The following MED28 variants were observed in gnomAD, a reference collection of about 807,000 sequenced individuals.
The protein encoded by MED28 is mediator complex subunit 28.
A neutral mutation model predicts 21.3 loss-of-function variants in MED28; 26 were observed. That is an observed-to-expected ratio of 1.22 (90% CI 0.89 to 1.69). MED28 has a LOEUF of 1.69. MED28 is among the 40% of genes most tolerant of loss of function. The pLI, the probability that MED28 is intolerant of heterozygous loss-of-function variation, is 0.00. For synonymous variants in MED28, 110 were observed against 87.6 expected (o/e 1.26, Z -1.43); for missense variants, 257 against 215.4 (o/e 1.19, Z -1.21).
chr4:17,616,053 C>T (rs925260330), intron 1 of MED28, among the ~76,000 whole-genome samples: 1 of 151,986 alleles, frequency 6.6e-6, no homozygotes, highest in Non-Finnish European at 1.5e-5. Flanking sequence ...CTCCGCCTCC[C>T]GGGTTCAAGC....
rs1714879840 is a variant in MED28 at position 17,630,128 on chromosome 4, A to G, written c.*6330A>G. 6.6e-6 allele frequency: 1 copy of G among 152,228 alleles called. No individual in the cohort carries two copies. Among genetic ancestry groups the G allele is most frequent in the Non-Finnish European group, 1.5e-5 (1 of 68,044 alleles). 9.4% of individuals were successfully genotyped at this position (152,228 alleles called of 1,614,324 possible). A position where few individuals can be genotyped will look rare whatever the true frequency, so the allele number is the denominator to read the frequency against. On this transcript the variant is annotated 3_prime_UTR_variant, in exon 4 of 4. Transcript: ENST00000237380. The stretch of plus-strand genomic sequence containing the variant: ...AAAATTTTCTCCTTGCCCAGGGATC[A>G]TGCTGAGTTTAAGGACAGAAATGCA...
rs1715031486 is a variant in MED28 at position 17,633,623 on chromosome 4, A to C, written c.*9825A>C. On this transcript the variant is annotated 3_prime_UTR_variant, in exon 4 of 4. Transcript: ENST00000237380. ...AATTTGGTACCAGGTGCTAGAAAGA[A>C]TCCTACTTCCCCTCTTATCTACAGG... is the stretch of plus-strand genomic sequence containing the variant. 7.4e-7 allele frequency: 1 copy of C among 1,345,494 alleles called. No homozygotes were observed. Among genetic ancestry groups the C allele is most frequent in the African/African-American group, 1.5e-5 (1 of 66,150 alleles). 83.3% of individuals were successfully genotyped at this position (1,345,494 alleles called of 1,614,324 possible).
At chr4:17,618,251 C>T (rs996997941) in intron 1 of MED28, among the ~76,000 whole-genome samples, 1 of 152,096 alleles carries the variant, frequency 6.6e-6, no homozygotes, top group Non-Finnish European at 1.5e-5. Context: ...TGAAGTGATC[C>T]ACCCATCTTG....
Position 17,624,121 on chromosome 4 carries a change from T to A in MED28, c.*323T>A, listed in dbSNP as rs1714712418. On this transcript the variant is annotated 3_prime_UTR_variant, in exon 4 of 4. Coordinates refer to ENST00000237380, the MANE Select transcript of MED28 (RefSeq NM_025205.5). ...AATTTTTGCATGACTTTTCATCTTT[T>A]TATGTGTGTTTCCTGTAGTTTGATC... 3.1e-6 allele frequency: 1 copy of A among 325,676 alleles called. No homozygotes were observed. Among genetic ancestry groups the A allele is most frequent in the Non-Finnish European group, 5.8e-6 (1 of 172,276 alleles). The allele number at this position is 325,676 out of a possible 1,614,324, so 20.2% of individuals were successfully genotyped here. A position where few individuals can be genotyped will look rare whatever the true frequency, so the allele number is the denominator to read the frequency against.
rs907594212 is a variant in MED28, at chr4:17,619,049, G to A, written c.160-852G>A. ...ATTGCTGACAGAGCTCCACTTTCCT[G>A]TGTTTGAGGCTTCTTTTCTAACTCC... On this transcript the variant is annotated intron_variant, in intron 1 of 3. Transcript: ENST00000237380. 8.5e-5 allele frequency among the ~76,000 whole-genome samples: 13 copies of A among 152,216 alleles called. 1 individual carries two copies. In the South Asian group the frequency reaches 1.9e-3, roughly 22 times the overall value.
chr4:17,631,583 A>C lies in MED28; in HGVS notation c.*7785A>C, dbSNP rs909189463. On this transcript the variant is annotated 3_prime_UTR_variant, in exon 4 of 4. Transcript: ENST00000237380. Reference sequence around the variant, plus strand: ...GCTAGGATTGGTTATTTACAGAAAAACCTTGTGGTACTTAATTCCAATTCA... The same window carrying C: ...GCTAGGATTGGTTATTTACAGAAAACCCTTGTGGTACTTAATTCCAATTCA... 6.6e-6 allele frequency: 1 copy of C among 151,802 alleles called. No individual in the cohort carries two copies. The highest frequency in any genetic ancestry group is 1.5e-5 in the Non-Finnish European group (1 of 67,986). The allele number at this position is 151,802 out of a possible 1,614,324, so 9.4% of individuals were successfully genotyped here. A position where few individuals can be genotyped will look rare whatever the true frequency, so the allele number is the denominator to read the frequency against.
chr4:17,615,461 TC>T (rs1714420533), intron 1 of MED28, among the ~76,000 whole-genome samples: 1 of 152,222 alleles, frequency 6.6e-6, no homozygotes, highest in Non-Finnish European at 1.5e-5. Flanking sequence ...GATGAGCTAT[TC>T]CTGTGTAGTA....
chr4:17,625,477 T>C lies in MED28; in HGVS notation c.*1679T>C, dbSNP rs1560159234. 7.6e-6 allele frequency: 2 copies of C among 263,388 alleles called. No homozygotes were observed. The highest frequency in any genetic ancestry group is 1.5e-5 in the Non-Finnish European group (2 of 133,518). 16.3% of individuals were successfully genotyped at this position (263,388 alleles called of 1,614,324 possible). A position where few individuals can be genotyped will look rare whatever the true frequency, so the allele number is the denominator to read the frequency against. On this transcript the variant is annotated 3_prime_UTR_variant, in exon 4 of 4. Transcript: ENST00000237380. ...TGTATTTCTTGACTAAAAACCTAAA[T>C]AAACTGATTAGGTTTTAGGCGTTCT... is the stretch of plus-strand genomic sequence containing the variant.
intron 1 of MED28, among the ~76,000 whole-genome samples, chr4:17,618,013 CT>C (rs529883796): frequency 1.7e-3 from 197 of 117,894 alleles, no homozygotes; most frequent in African/African-American, 4.5e-3. Context: ...CTTTTCTTTT[CT>C]TTTTTTTTTT....
intron 1 of MED28, among the ~76,000 whole-genome samples, chr4:17,616,173 T>G (rs952368343): frequency 2.0e-5 from 3 of 152,180 alleles, no homozygotes; most frequent in Non-Finnish European, 4.4e-5. Context: ...GCCAGGCTGG[T>G]CTCGAACTCC....
intron 1 of MED28, 47 bp from the exon 2 acceptor site, chr4:17,619,854 T>TAAGTAAGTAA: frequency 6.5e-7 from 1 of 1,545,802 alleles, no homozygotes; most frequent in Non-Finnish European, 8.9e-7. Flanking sequence ...GTAAGATTTT[T>TAAGTAAGTAA]GATGTATAAA....
intron 1 of MED28, among the ~76,000 whole-genome samples, chr4:17,617,918 T>C (rs892913569): frequency 6.6e-6 from 1 of 151,710 alleles, no homozygotes; most frequent in African/African-American, 2.4e-5. Flanking sequence ...AAAAAAAATA[T>C]ATGTTCTCTT....
chr4:17,623,836 T>C lies in MED28; in HGVS notation c.*38T>C, dbSNP rs1181876361. The C allele has an allele frequency of 5.1e-6, 8 of 1,578,520 alleles. 1 individual carries two copies. Among genetic ancestry groups the C allele is most frequent in the South Asian group, 4.5e-5 (4 of 88,256 alleles). ...GGCAGTTGGCCTATGAGTGGGCTGA[T>C]GCGTGAGGTTGGCCACACATTCCTT... On this transcript the variant is annotated 3_prime_UTR_variant, in exon 4 of 4. Coordinates refer to ENST00000237380, the MANE Select transcript of MED28 (RefSeq NM_025205.5).
Position 17,623,622 on chromosome 4 carries a change from G to T in MED28, c.361G>T (p.Glu121Ter). 5 of 1,614,128 alleles carry T rather than the reference G, an allele frequency of 3.1e-6. No homozygotes were observed. The highest frequency in any genetic ancestry group is 4.2e-6 in the Non-Finnish European group (5 of 1,180,010). ...IKEDVSELRN[E>*]LQRKDALVQK... ...GCAGGATGTGTCAGAACTAAGGAATGAATTACAGCGGAAAGATGCACTAGT... is the reference window on the plus strand; with the variant it reads ...GCAGGATGTGTCAGAACTAAGGAATTAATTACAGCGGAAAGATGCACTAGT... Residue 121 changes from glutamate to a stop codon, truncating the protein, a stop_gained, in exon 4 of 4, where the codon GAA becomes TAA. Transcript: ENST00000237380. LOFTEE classifies it high-confidence loss of function.
Position 17,623,908 on chromosome 4 carries a change from T to A in MED28, c.*110T>A. On this transcript the variant is annotated 3_prime_UTR_variant, in exon 4 of 4. Transcript: ENST00000237380. The stretch of plus-strand genomic sequence containing the variant: ...AAGAACTCTTTGCCAGATAATGAGT[T>A]CATTTTAGTTTTATGCTCCCATTGA... 7.9e-7 allele frequency: 1 copy of A among 1,272,906 alleles called. No homozygotes were observed. The highest frequency in any genetic ancestry group is 1.1e-6 in the Non-Finnish European group (1 of 925,706). The allele number at this position is 1,272,906 out of a possible 1,614,324, so 78.9% of individuals were successfully genotyped here. A position where few individuals can be genotyped will look rare whatever the true frequency, so the allele number is the denominator to read the frequency against.
In MED28 at chr4:17,631,616, T is replaced by C. The variant is rs1355806085; in HGVS notation, c.*7818T>C. 3 of 151,812 alleles carry C rather than the reference T, an allele frequency of 2.0e-5. No individual in the cohort carries two copies. The highest frequency in any genetic ancestry group is 2.0e-4 in the Admixed American group (3 of 15,254). 9.4% of individuals were successfully genotyped at this position (151,812 alleles called of 1,614,324 possible). On this transcript the variant is annotated 3_prime_UTR_variant, in exon 4 of 4. Transcript: ENST00000237380. ...GTACTTAATTCCAATTCATGTTAATTTATGTTATCTTGCTTAATCCTTGCA... is the reference window on the plus strand; with the variant it reads ...GTACTTAATTCCAATTCATGTTAATCTATGTTATCTTGCTTAATCCTTGCA...
intron 1 of MED28, among the ~76,000 whole-genome samples, chr4:17,615,125 A>G (rs559674817): frequency 6.6e-6 from 1 of 152,334 alleles, no homozygotes; most frequent in African/African-American, 2.4e-5. Context: ...GCATCCCTGC[A>G]TGTTTAGTAA....
intron 1 of MED28, among the ~76,000 whole-genome samples, chr4:17,615,538 G>T (rs967852429): frequency 6.6e-6 from 1 of 152,182 alleles, no homozygotes; most frequent in Non-Finnish European, 1.5e-5. Flanking sequence ...TTTGCCGGGC[G>T]CGGTGGCTCA....
At chr4:17,622,280 C>T (rs765731180) in intron 3 of MED28, among the ~76,000 whole-genome samples, 7 of 152,170 alleles carry the variant, frequency 4.6e-5, no homozygotes, top group Non-Finnish European at 7.3e-5. Flanking sequence ...CCCAAAAAGC[C>T]GGCAATGCCC....
Sources: allele counts gnomAD v4.1 joint callset (sites outside exome capture counted in the v4.1 genomes callset), GRCh38; gene constraint gnomAD v4.1.1; transcripts MANE v1.5; gene names NCBI Gene and HGNC (gene_info 2026-07-23, HGNC 2026-07-21).